The following SH3GL2 variants were observed in gnomAD, a reference collection of about 807,000 sequenced individuals.
SH3GL2 encodes the protein endophilin-A1.
Under a neutral mutation model 46.0 loss-of-function variants are expected in SH3GL2, and 24 were observed. The observed-to-expected ratio is 0.52, with a 90% confidence interval of 0.38 to 0.73. The LOEUF (loss-of-function observed/expected upper bound fraction) is 0.73, where lower values mean the gene tolerates loss of function less well. Ranked by LOEUF, SH3GL2 falls within the 30% of genes least tolerant of loss-of-function variation. SH3GL2 has a pLI of 0.00. For synonymous variants in SH3GL2, 196 were observed against 147.1 expected (o/e 1.33, Z -2.40); for missense variants, 413 against 424.2 (o/e 0.97, Z 0.23).
rs757525551 is a variant in SH3GL2 at position 17,789,476 on chromosome 9, C to T, written c.550C>T (p.Arg184Cys). The T allele has an allele frequency of 5.6e-6, 9 of 1,612,052 alleles. No individual in the cohort carries two copies. The highest frequency in any genetic ancestry group is 4.0e-5 in the African/African-American group (3 of 74,820). Residue 184 changes from arginine to cysteine, a missense_variant, in exon 6 of 9, where the codon CGT (arginine) becomes TGT (cysteine). Transcript: ENST00000380607. ...AGGCAAGATTCCGGATGAAGAGCTT[C>T]GTCAAGCTCTAGAGAAATTTGATGA... Reference protein sequence around the residue: ...RQGKIPDEELRQALEKFDESK... With the variant: ...RQGKIPDEELCQALEKFDESK...
chr9:17,644,555 T>C (rs1196889659), intron 1 of SH3GL2, among the ~76,000 whole-genome samples: 1 of 152,172 alleles, frequency 6.6e-6, no homozygotes, highest in East Asian at 1.9e-4. Flanking sequence ...ATAACTTATT[T>C]GTTTCTGCCT....
intron 1 of SH3GL2, among the ~76,000 whole-genome samples, chr9:17,583,693 A>G (rs1818319331): frequency 6.6e-6 from 1 of 152,158 alleles, no homozygotes. Flanking sequence ...GCTGGGTTTT[A>G]TGATACAGTC....
intron 1 of SH3GL2, among the ~76,000 whole-genome samples, chr9:17,741,498 A>G (rs544034860): frequency 6.6e-6 from 1 of 152,302 alleles, no homozygotes; most frequent in East Asian, 1.9e-4. Flanking sequence ...GTAATACATC[A>G]CACAGTTTGT....
intron 1 of SH3GL2, among the ~76,000 whole-genome samples, chr9:17,669,170 G>T (rs12004697): frequency 0.054 from 8,198 of 152,192 alleles, 756 homozygotes; most frequent in African/African-American, 0.19. Context: ...ATTTTCTGTA[G>T]TCTGTATCCA....
chr9:17,777,723 CTT>C (rs1823682171), intron 3 of SH3GL2, among the ~76,000 whole-genome samples: 1 of 152,002 alleles, frequency 6.6e-6, no homozygotes, highest in Admixed American at 6.6e-5. Context: ...CTCTTCCTCT[CTT>C]ATAAGGTTAC....
At chr9:17,746,224 C>T (rs1053348714) in intron 1 of SH3GL2, among the ~76,000 whole-genome samples, 10 of 152,176 alleles carry the variant, frequency 6.6e-5, no homozygotes, top group East Asian at 3.9e-4. Context: ...TACAGGTGCC[C>T]GCCACCACGC....
intron 1 of SH3GL2, chr9:17,591,123 A>G (rs1233306027): frequency 6.6e-6 from 1 of 152,186 alleles, no homozygotes; most frequent in Non-Finnish European, 1.5e-5. Flanking sequence ...CAGACATGTA[A>G]AGCATTTTGA....
chr9:17,651,973 C>T (rs985116558), intron 1 of SH3GL2, among the ~76,000 whole-genome samples: 1 of 152,086 alleles, frequency 6.6e-6, no homozygotes, highest in Non-Finnish European at 1.5e-5. Flanking sequence ...TGAGACTCTT[C>T]CAAATTATTA....
chr9:17,679,035 C>G (rs997081990), intron 1 of SH3GL2, among the ~76,000 whole-genome samples: 2 of 152,016 alleles, frequency 1.3e-5, no homozygotes, highest in Non-Finnish European at 2.9e-5. Context: ...GTTACTGTAG[C>G]CTTGTAGTAT....
In SH3GL2 at chr9:17,789,446, C is replaced by T. The variant is rs759948475; in HGVS notation, c.520C>T (p.Arg174Ter). 3 of 1,613,412 alleles carry T rather than the reference C, an allele frequency of 1.9e-6. No homozygotes were observed. Among genetic ancestry groups the T allele is most frequent in the Non-Finnish European group, 2.5e-6 (3 of 1,179,578 alleles). Residue 174 changes from arginine (R) to a stop codon, truncating the protein, a stop_gained, in exon 6 of 9, where the codon CGA (arginine) becomes TGA (stop). Transcript: ENST00000380607. LOFTEE classifies it high-confidence loss of function. Reference protein sequence around the residue: ...RRLDFDYKKKRQGKIPDEELR... With the variant: ...RRLDFDYKKK The stretch of plus-strand genomic sequence containing the variant: ...CCTGGATTTTGATTATAAGAAGAAA[C>T]GACAAGGCAAGATTCCGGATGAAGA...
intron 6 of SH3GL2, chr9:17,789,896 T>C (rs1824072904): frequency 2.6e-6 from 1 of 378,348 alleles, no homozygotes; most frequent in Middle Eastern, 1.3e-3. Flanking sequence ...ACTTGAGGTA[T>C]GGTTTCTACT....
intron 1 of SH3GL2, among the ~76,000 whole-genome samples, chr9:17,665,485 A>T (rs903120347): frequency 3.9e-5 from 6 of 152,128 alleles, no homozygotes; most frequent in Non-Finnish European, 8.8e-5. Context: ...CTGTTTCTTC[A>T]TAATAGTATT....
intron 1 of SH3GL2, among the ~76,000 whole-genome samples, chr9:17,625,570 A>G (rs7045693): frequency 0.41 from 62,070 of 152,132 alleles, 13,568 homozygotes; most frequent in Middle Eastern, 0.51. Flanking sequence ...AAACAAGGCA[A>G]AGAGAGTACA....
intron 1 of SH3GL2, among the ~76,000 whole-genome samples, chr9:17,627,839 A>G (rs1819317630): frequency 1.3e-5 from 2 of 152,154 alleles, no homozygotes; most frequent in Non-Finnish European, 2.9e-5. Context: ...TACACAAACC[A>G]TGGGGATTGT....
At chr9:17,608,363 G>A (rs1045091882) in intron 1 of SH3GL2, among the ~76,000 whole-genome samples, 2 of 152,016 alleles carry the variant, frequency 1.3e-5, no homozygotes, top group East Asian at 1.9e-4. Context: ...AGCCGGGATG[G>A]TCTCGATCTC....
At chr9:17,742,482 G>T (rs1822554577) in intron 1 of SH3GL2, among the ~76,000 whole-genome samples, 2 of 152,180 alleles carry the variant, frequency 1.3e-5, no homozygotes, top group Admixed American at 6.5e-5. Context: ...TTTAAAACGT[G>T]AGTTGATTGT....
chr9:17,618,438 A>T (rs763309587), intron 1 of SH3GL2, among the ~76,000 whole-genome samples: 3 of 152,180 alleles, frequency 2.0e-5, no homozygotes, highest in Admixed American at 6.5e-5. Flanking sequence ...AGGTGCCACC[A>T]TGGTGCCAGC....
At chr9:17,660,046 T>C (rs1034127815) in intron 1 of SH3GL2, among the ~76,000 whole-genome samples, 1 of 152,226 alleles carries the variant, frequency 6.6e-6, no homozygotes, top group Non-Finnish European at 1.5e-5. Flanking sequence ...CCTATTGGGC[T>C]ATGTGGACAA....
rs185903296 is a variant in SH3GL2, at chr9:17,742,342, C to T, written c.46-4724C>T. Reference sequence around the variant, plus strand: ...GGAAAGCAGGACAACATCCTTTGGGCTGAGAACAGTGGCCATTTATTTAAG... The same window carrying T: ...GGAAAGCAGGACAACATCCTTTGGGTTGAGAACAGTGGCCATTTATTTAAG... On this transcript the variant is annotated intron_variant, in intron 1 of 8. Coordinates refer to ENST00000380607, the MANE Select transcript of SH3GL2 (RefSeq NM_003026.5). Among the ~76,000 whole-genome samples the T allele has an allele frequency of 3.3e-5, 5 of 152,248 alleles. No individual in the cohort carries two copies. The East Asian group carries it at 9.6e-4, about 29-fold the overall frequency.
Sources: allele counts gnomAD v4.1 joint callset (sites outside exome capture counted in the v4.1 genomes callset), GRCh38; gene constraint gnomAD v4.1.1; transcripts MANE v1.5; gene names NCBI Gene and HGNC (gene_info 2026-07-23, HGNC 2026-07-21).